The following XKR6 variants were observed in gnomAD, a reference collection of about 807,000 sequenced individuals.
XKR6 encodes XK-related protein 6.
A neutral mutation model predicts 56.7 loss-of-function variants in XKR6; 22 were observed. The observed-to-expected ratio is 0.39, with a 90% confidence interval of 0.28 to 0.55. The LOEUF is 0.55. Among genes scored for constraint, XKR6 ranks in the 20% least tolerant of loss-of-function variants. The probability of loss-of-function intolerance (pLI) is 0.66; values close to 1 mark genes in which losing one functional copy is unlikely to be tolerated. For missense variants in XKR6, 852 were observed against 889.0 expected, an observed-to-expected ratio of 0.96 and a Z score of 0.53; for synonymous variants, 524 against 387.8, an observed-to-expected ratio of 1.35 and a Z score of -4.13.
At chr8:11,063,748 G>C (rs1038560998) in intron 1 of XKR6, among the ~76,000 whole-genome samples, 1 of 152,088 alleles carries the variant, frequency 6.6e-6, no homozygotes, top group Non-Finnish European at 1.5e-5. Context: ...TGATACGCTT[G>C]GCTCAGTAAC....
chr8:11,125,962 T>C (rs955253965), intron 1 of XKR6: 2 of 152,270 alleles, frequency 1.3e-5, no homozygotes, highest in African/African-American at 4.8e-5. Flanking sequence ...CACAACAAAC[T>C]TGATGGAAAC....
intron 2 of XKR6, among the ~76,000 whole-genome samples, chr8:10,900,684 C>G (rs1800009970): frequency 6.6e-6 from 1 of 152,154 alleles, no homozygotes; most frequent in Non-Finnish European, 1.5e-5. Flanking sequence ...CATGTCCTGC[C>G]TCACTTGTGG....
At chr8:11,074,396 C>T (rs1293352954) in intron 1 of XKR6, among the ~76,000 whole-genome samples, 3 of 152,208 alleles carry the variant, frequency 2.0e-5, no homozygotes, top group Non-Finnish European at 2.9e-5. Flanking sequence ...CAAGATCCAG[C>T]CTGCAAGACT....
chr8:10,977,464 C>T (rs1802600475), intron 1 of XKR6, among the ~76,000 whole-genome samples: 1 of 151,570 alleles, frequency 6.6e-6, no homozygotes, highest in Non-Finnish European at 1.5e-5. Flanking sequence ...CAGTAAGTCC[C>T]CCGCCACTGG....
At chr8:11,145,058 A>G (rs13276618) in intron 1 of XKR6, among the ~76,000 whole-genome samples, 7 of 108,820 alleles carry the variant, frequency 6.4e-5, no homozygotes, top group Admixed American at 8.2e-5. Flanking sequence ...GGGAGGGAGG[A>G]AGGAAACAAA....
intron 1 of XKR6, among the ~76,000 whole-genome samples, chr8:10,994,713 GA>G (rs536634216): frequency 7.2e-4 from 109 of 152,010 alleles, no homozygotes; most frequent in African/African-American, 2.1e-3. Flanking sequence ...AGCTATGGAA[GA>G]AAAAAAATAC....
At chr8:11,104,688 CA>C (rs1231145916) in intron 1 of XKR6, 2 of 152,188 alleles carry the variant, frequency 1.3e-5, no homozygotes, top group East Asian at 3.8e-4. Flanking sequence ...ATAACCATTG[CA>C]TCAATTTTGG....
chr8:10,998,152 G>A (rs768722331), intron 1 of XKR6, among the ~76,000 whole-genome samples: 5 of 151,906 alleles, frequency 3.3e-5, no homozygotes, highest in Admixed American at 6.6e-5. Context: ...GCCAGAGAGC[G>A]TCCAGCACTC....
At chr8:11,004,538 T>G (rs1389205219) in intron 1 of XKR6, among the ~76,000 whole-genome samples, 5 of 152,068 alleles carry the variant, frequency 3.3e-5, no homozygotes, top group African/African-American at 9.7e-5. Context: ...ATTGACCAGG[T>G]GGTTTATTAT....
intron 1 of XKR6, among the ~76,000 whole-genome samples, chr8:11,048,677 GT>G (rs1203874492): frequency 6.6e-6 from 1 of 152,178 alleles, no homozygotes; most frequent in Non-Finnish European, 1.5e-5. Flanking sequence ...TGGAGGCTGA[GT>G]CCCCTTCCTG....
At chr8:10,968,668 C>A (rs1337515761) in intron 1 of XKR6, among the ~76,000 whole-genome samples, 1 of 151,786 alleles carries the variant, frequency 6.6e-6, no homozygotes, top group African/African-American at 2.4e-5. Context: ...TTCCCTCTCT[C>A]CTACCTGACC....
intron 1 of XKR6, among the ~76,000 whole-genome samples, chr8:11,084,930 A>G (rs897574524): frequency 2.6e-5 from 4 of 152,184 alleles, no homozygotes; most frequent in Non-Finnish European, 4.4e-5. Flanking sequence ...CTACAAAAAG[A>G]AATCTGCTGA....
intron 2 of XKR6, among the ~76,000 whole-genome samples, chr8:10,902,889 C>T (rs1191501242): frequency 6.6e-6 from 1 of 152,222 alleles, no homozygotes; most frequent in Non-Finnish European, 1.5e-5. Context: ...ACCCCCATCA[C>T]TTTCTAATCT....
intron 1 of XKR6, among the ~76,000 whole-genome samples, chr8:11,116,093 G>A (rs1039517067): frequency 2.0e-5 from 3 of 152,220 alleles, no homozygotes; most frequent in Non-Finnish European, 2.9e-5. Context: ...ATGTTCGTAA[G>A]ATGATTCTTA....
intron 1 of XKR6, among the ~76,000 whole-genome samples, chr8:11,080,561 C>G (rs960112073): frequency 1.3e-5 from 2 of 149,910 alleles, no homozygotes; most frequent in African/African-American, 4.9e-5. Context: ...GAGTCTGTCC[C>G]CAGTTCATCA....
intron 1 of XKR6, chr8:11,123,708 G>C (rs1267181506): frequency 2.7e-6 from 1 of 370,684 alleles, no homozygotes; most frequent in East Asian, 7.3e-5. Context: ...TTTTCAAGAG[G>C]CTGAATCTCC....
chr8:11,140,660 G>A (rs1373433540), intron 1 of XKR6, among the ~76,000 whole-genome samples: 6 of 152,114 alleles, frequency 3.9e-5, no homozygotes, highest in African/African-American at 1.4e-4. Context: ...CACTTTGGGA[G>A]GCTGAGGTGG....
intron 1 of XKR6, among the ~76,000 whole-genome samples, chr8:11,042,247 T>C (rs1213915605): frequency 6.6e-6 from 1 of 151,522 alleles, no homozygotes; most frequent in Non-Finnish European, 1.5e-5. Context: ...TTTTTTTTTT[T>C]ATCTTGAAAT....
At chr8:10,996,218 T>A (rs1204133278) in intron 1 of XKR6, among the ~76,000 whole-genome samples, 1 of 152,210 alleles carries the variant, frequency 6.6e-6, no homozygotes. Context: ...TAACCCACTG[T>A]GATTTTTTTA....
Sources: gnomAD v4.1 joint callset for allele counts (sites outside exome capture counted in the v4.1 genomes callset) on GRCh38, gnomAD v4.1.1 for gene constraint, MANE v1.5 for transcripts, NCBI Gene and HGNC (gene_info 2026-07-23, HGNC 2026-07-21) for gene names.